BCL2: variants seen among roughly 807,000 people sequenced by gnomAD.
BCL2 encodes BCL2 apoptosis regulator.
Under a neutral mutation model 14.2 loss-of-function variants are expected in BCL2, and 1 was observed. The ratio of observed to expected loss-of-function variants is 0.07; its 90% confidence interval spans 0.02 to 0.33. The LOEUF (loss-of-function observed/expected upper bound fraction) is 0.33. Ranked by LOEUF, BCL2 falls within the 10% of genes least tolerant of loss-of-function variation. BCL2 has a pLI of 0.99. For missense variants in BCL2, 247 were observed against 305.9 expected (o/e 0.81, Z 1.44); for synonymous variants, 151 against 137.2 (o/e 1.10, Z -0.70).
intron 2 of BCL2, among the ~76,000 whole-genome samples, chr18:63,220,827 A>T (rs531678068): frequency 6.6e-6 from 1 of 151,770 alleles, no homozygotes; most frequent in Admixed American, 6.6e-5. Context: ...GAGAAAAAAA[A>T]AAAGGCGTTT....
intron 2 of BCL2, among the ~76,000 whole-genome samples, chr18:63,286,317 A>AAC (rs1475055550): frequency 1.3e-5 from 2 of 152,236 alleles, no homozygotes; most frequent in Admixed American, 1.3e-4. Flanking sequence ...GGGGTGTCCA[A>AAC]ACAGACATGA....
chr18:63,155,786 C>T (rs975545678), intron 2 of BCL2, among the ~76,000 whole-genome samples: 4 of 152,106 alleles, frequency 2.6e-5, no homozygotes, highest in African/African-American at 9.7e-5. Context: ...CAGATCTTGC[C>T]CCGAGCTCAG....
chr18:63,294,553 C>T (rs1439213722), intron 2 of BCL2, among the ~76,000 whole-genome samples: 5 of 152,008 alleles, frequency 3.3e-5, no homozygotes, highest in Non-Finnish European at 7.4e-5. Context: ...ACCTGTAGTT[C>T]CAGCTACTCA....
chr18:63,284,332 A>C (rs76149772), intron 2 of BCL2, among the ~76,000 whole-genome samples: 2,312 of 152,244 alleles, frequency 0.015, 59 homozygotes, highest in African/African-American at 0.053. Flanking sequence ...GTCTAAGAAT[A>C]CCCCAAAATA....
intron 2 of BCL2, among the ~76,000 whole-genome samples, chr18:63,248,171 A>T (rs1275794673): frequency 6.6e-6 from 1 of 152,210 alleles, no homozygotes; most frequent in Non-Finnish European, 1.5e-5. Flanking sequence ...GAGCAAAATA[A>T]CTGCTCAATC....
At chr18:63,254,938 G>A (rs1328682599) in intron 2 of BCL2, among the ~76,000 whole-genome samples, 1 of 152,224 alleles carries the variant, frequency 6.6e-6, no homozygotes, top group African/African-American at 2.4e-5. Flanking sequence ...GAAATGTAGA[G>A]GAGAAAGAAT....
At chr18:63,299,819 T>TTC (rs1214134194) in intron 2 of BCL2, among the ~76,000 whole-genome samples, 1 of 151,796 alleles carries the variant, frequency 6.6e-6, no homozygotes, top group Non-Finnish European at 1.5e-5. Context: ...CTTTTTCTTT[T>TTC]TTTTTTTGAA....
chr18:63,314,608 G>A (rs1015178121), intron 2 of BCL2: 9 of 152,244 alleles, frequency 5.9e-5, no homozygotes, highest in South Asian at 4.1e-4. Context: ...GCTGAATGTC[G>A]TCACAGTTCC....
At chr18:63,138,312 C>T (rs901514433) in intron 2 of BCL2, among the ~76,000 whole-genome samples, 2 of 152,198 alleles carry the variant, frequency 1.3e-5, no homozygotes, top group Non-Finnish European at 2.9e-5. Flanking sequence ...CCCTTATCAT[C>T]GGCTCGGCAG....
At chr18:63,157,206 A>T (rs1914805551) in intron 2 of BCL2, among the ~76,000 whole-genome samples, 1 of 152,230 alleles carries the variant, frequency 6.6e-6, no homozygotes, top group South Asian at 2.1e-4. Flanking sequence ...AAAGTCCCTT[A>T]TTTTAAAATC....
intron 2 of BCL2, among the ~76,000 whole-genome samples, chr18:63,183,089 C>T (rs1351051218): frequency 2.0e-5 from 3 of 152,176 alleles, no homozygotes; most frequent in Non-Finnish European, 1.5e-5. Context: ...GGGGCTCAGA[C>T]CCACCCCTTG....
In BCL2 at chr18:63,133,385, G is replaced by A. The variant is rs552058005; in HGVS notation, c.586-4626C>T. On this transcript the variant is annotated intron_variant, in intron 2 of 2. Transcript: ENST00000333681. ...TCAGGCTGGAGTGCAGTGGCTCCCA[G>A]GTTCAAGCAATTCTTCTGCCTCAGC... Among the ~76,000 whole-genome samples the A allele has an allele frequency of 2.5e-3, 342 of 138,090 alleles. 5 individuals carry two copies. The highest frequency in any genetic ancestry group is 4.0e-3 in the Non-Finnish European group (265 of 66,036). The allele number at this position is 138,090 out of a possible 152,430, so 90.6% of individuals were successfully genotyped here. A position where few individuals can be genotyped will look rare whatever the true frequency, so the allele number is the denominator to read the frequency against.
chr18:63,317,634 G>A, intron 2 of BCL2: 1 of 1,013,858 alleles, frequency 9.9e-7, no homozygotes, highest in East Asian at 7.9e-5. Context: ...GTGTACAACG[G>A]GCTTGTTTCA....
At position 63,125,167 on chromosome 18, in the gene BCL2, T is replaced by C. The variant is rs1226934291; in HGVS notation, c.*3458A>G. ...ACTGGGCCAGAGCTACATCTTTAGA[T>C]GATAAGCATTTACTAATAAAACAAA... On this transcript the variant is annotated 3_prime_UTR_variant, in exon 3 of 3. Transcript: ENST00000333681. 1.3e-5 allele frequency: 3 copies of C among 222,350 alleles called. No homozygotes were observed. The highest frequency in any genetic ancestry group is 1.8e-5 in the Non-Finnish European group (2 of 111,276). 13.8% of individuals were successfully genotyped at this position (222,350 alleles called of 1,614,324 possible). A position where few individuals can be genotyped will look rare whatever the true frequency, so the allele number is the denominator to read the frequency against.
intron 2 of BCL2, among the ~76,000 whole-genome samples, chr18:63,134,377 TC>T (rs978614713): frequency 2.5e-4 from 38 of 152,260 alleles, no homozygotes; most frequent in African/African-American, 8.9e-4. Flanking sequence ...AGACATGGGC[TC>T]CCAGGCAGCA....
intron 2 of BCL2, among the ~76,000 whole-genome samples, chr18:63,291,506 T>C (rs1291169480): frequency 2.0e-5 from 3 of 152,140 alleles, no homozygotes; most frequent in Non-Finnish European, 4.4e-5. Context: ...CCAATACTCA[T>C]CAAGTGTCAA....
At chr18:63,196,244 T>C (rs578230041) in intron 2 of BCL2, among the ~76,000 whole-genome samples, 1 of 152,330 alleles carries the variant, frequency 6.6e-6, no homozygotes, top group South Asian at 2.1e-4. Flanking sequence ...TTGAGAAATA[T>C]TTCAGAGTAA....
chr18:63,274,252 G>C (rs1912084664), intron 2 of BCL2, among the ~76,000 whole-genome samples: 1 of 150,944 alleles, frequency 6.6e-6, no homozygotes. Flanking sequence ...ATCTACCATG[G>C]GAGTCAAGCT....
intron 2 of BCL2, among the ~76,000 whole-genome samples, chr18:63,193,964 T>C (rs1214823466): frequency 2.0e-5 from 3 of 152,222 alleles, no homozygotes; most frequent in African/African-American, 7.2e-5. Context: ...GATGATTAAA[T>C]GAGATAAACC....
Sources: allele counts gnomAD v4.1 joint callset (sites outside exome capture counted in the v4.1 genomes callset), GRCh38; gene constraint gnomAD v4.1.1; transcripts MANE v1.5; gene names NCBI Gene and HGNC (gene_info 2026-07-23, HGNC 2026-07-21).